CDH8: variants seen among roughly 807,000 people sequenced by gnomAD.
CDH8 encodes cadherin 8.
Under a neutral mutation model 68.1 loss-of-function variants are expected in CDH8, and 17 were observed. The ratio of observed to expected loss-of-function variants is 0.25; its 90% CI spans 0.17 to 0.37. The LOEUF (loss-of-function observed/expected upper bound fraction) is 0.37. Ranked by LOEUF, CDH8 falls within the 10% of genes least tolerant of loss-of-function variation. CDH8 has a pLI of 1.00. For missense variants in CDH8, 763 were observed against 999.3 expected (o/e 0.76, Z 3.19); for synonymous variants, 372 against 365.1 (o/e 1.02, Z -0.21).
At chr16:61,787,844 A>G (rs1406586054) in intron 8 of CDH8, among the ~76,000 whole-genome samples, 1 of 148,988 alleles carries the variant, frequency 6.7e-6, no homozygotes, top group African/African-American at 2.5e-5. Context: ...CGCAAGAACA[A>G]AAAACCAAAC....
At chr16:61,968,818 A>C (rs988059337) in intron 2 of CDH8, among the ~76,000 whole-genome samples, 7 of 152,236 alleles carry the variant, frequency 4.6e-5, no homozygotes, top group East Asian at 1.9e-4. Flanking sequence ...AGCATCAGCT[A>C]TCATTAGTTC....
chr16:61,863,478 G>A (rs770591669), intron 3 of CDH8, among the ~76,000 whole-genome samples: 4 of 152,100 alleles, frequency 2.6e-5, no homozygotes, highest in Non-Finnish European at 4.4e-5. Flanking sequence ...TGTTAGCGAG[G>A]CTATACTTTT....
intron 4 of CDH8, among the ~76,000 whole-genome samples, chr16:61,832,521 C>T (rs1287579775): frequency 6.6e-6 from 1 of 151,800 alleles, no homozygotes; most frequent in Non-Finnish European, 1.5e-5. Context: ...GGAAATACAA[C>T]TGATCAAGTG....
intron 4 of CDH8, among the ~76,000 whole-genome samples, chr16:61,829,298 T>TC (rs1229069637): frequency 1.3e-4 from 20 of 151,860 alleles, no homozygotes; most frequent in African/African-American, 4.3e-4. Context: ...GGTACTTCTA[T>TC]CGCTAGCATC....
At chr16:61,818,111 G>A (rs748330137) in intron 6 of CDH8, 50 of 170,360 alleles carry the variant, frequency 2.9e-4, no homozygotes, top group African/African-American at 1.1e-3. Context: ...GAGATAAGGC[G>A]ACATCGAACA....
At chr16:61,878,240 T>C (rs1346053277) in intron 3 of CDH8, among the ~76,000 whole-genome samples, 3 of 152,238 alleles carry the variant, frequency 2.0e-5, no homozygotes, top group East Asian at 1.9e-4. Context: ...AGAAGTACTT[T>C]GGATTTCTTT....
intron 2 of CDH8, among the ~76,000 whole-genome samples, chr16:62,018,420 T>A (rs1306635589): frequency 6.6e-6 from 1 of 152,170 alleles, no homozygotes; most frequent in Non-Finnish European, 1.5e-5. Context: ...TCTCAGCCGG[T>A]TCCTGGGGAG....
At chr16:62,013,340 G>A (rs980245578) in intron 2 of CDH8, among the ~76,000 whole-genome samples, 6 of 151,868 alleles carry the variant, frequency 4.0e-5, no homozygotes, top group African/African-American at 1.5e-4. Context: ...GCATTTGTGG[G>A]GGTGAAGGTA....
chr16:61,951,949 T>C (rs1964905425), intron 2 of CDH8, among the ~76,000 whole-genome samples: 1 of 152,182 alleles, frequency 6.6e-6, no homozygotes, highest in Admixed American at 6.5e-5. Context: ...AATTCATTCA[T>C]TGTATAAGCT....
chr16:61,901,411 A>C lies in CDH8; in HGVS notation c.315T>G (p.Ala105=), dbSNP rs761336806. 3 of 1,613,898 alleles carry C rather than the reference A, an allele frequency of 1.9e-6. No individual in the cohort carries two copies. In the Admixed American group the frequency reaches 5.0e-5, roughly 27 times the overall value. The change falls in exon 3 of 12, where the codon GCT becomes GCG. Residue 105 remains alanine (A), a synonymous_variant. Coordinates refer to ENST00000577390, the MANE Select transcript of CDH8 (RefSeq NM_001796.5). ...CATCATTTATTTGAAATATGGTCCC[A>C]GCTCCATCACCTGATAGGATATACT... ...KIKYILSGDG[A]GTIFQINDVT... is the part of the protein sequence containing the mutation.
chr16:61,889,052 C>A (rs1567515607), intron 3 of CDH8, among the ~76,000 whole-genome samples: 1 of 152,112 alleles, frequency 6.6e-6, no homozygotes, highest in Non-Finnish European at 1.5e-5. Flanking sequence ...AGCACAGACA[C>A]AAGGGATGAA....
intron 2 of CDH8, 113 bp downstream of exon 2, chr16:62,021,039 T>C: frequency 1.1e-6 from 1 of 915,390 alleles, no homozygotes; most frequent in Middle Eastern, 2.2e-4. Context: ...TCACTAAACA[T>C]CTGGCTTGAA....
intron 10 of CDH8, among the ~76,000 whole-genome samples, chr16:61,682,405 G>C (rs923133280): frequency 1.3e-5 from 2 of 151,952 alleles, no homozygotes; most frequent in Admixed American, 6.6e-5. Context: ...TAATTACTCT[G>C]CATTCTTACT....
rs78954741 is a variant in CDH8 at position 61,935,471 on chromosome 16, A to G, written c.253-33998T>C. ...ACAACTGTTTCTGGACTTTAATAATATAGTATTGAGAATGGAACTATACAT... is the reference window on the plus strand; with the variant it reads ...ACAACTGTTTCTGGACTTTAATAATGTAGTATTGAGAATGGAACTATACAT... On this transcript the variant is annotated intron_variant, in intron 2 of 11. Coordinates refer to ENST00000577390, the MANE Select transcript of CDH8 (RefSeq NM_001796.5). 0.022 allele frequency among the ~76,000 whole-genome samples: 3,329 copies of G among 152,274 alleles called. 245 individuals are homozygous for G. In the East Asian group the frequency reaches 0.23, roughly 10 times the overall value.
intron 7 of CDH8, among the ~76,000 whole-genome samples, chr16:61,815,080 T>G (rs1322345439): frequency 6.6e-6 from 1 of 152,190 alleles, no homozygotes; most frequent in Non-Finnish European, 1.5e-5. Flanking sequence ...CCATAGATGC[T>G]GAAGAACTAG....
At chr16:61,865,042 G>C (rs1244044806) in intron 3 of CDH8, among the ~76,000 whole-genome samples, 1 of 151,976 alleles carries the variant, frequency 6.6e-6, no homozygotes. Flanking sequence ...TTTTGCAAAG[G>C]CCTACTCGCT....
At chr16:61,909,366 G>C (rs1964121337) in intron 2 of CDH8, among the ~76,000 whole-genome samples, 2 of 152,162 alleles carry the variant, frequency 1.3e-5, no homozygotes, top group African/African-American at 4.8e-5. Flanking sequence ...TTCCACAAGT[G>C]CAAGCCCTCT....
rs200564468 is a variant in CDH8 at position 61,932,739 on chromosome 16, G to GA, written c.253-31267dup. 7.1e-3 allele frequency among the ~76,000 whole-genome samples: 1,086 copies of GA among 152,104 alleles called. 13 individuals carry two copies. Among genetic ancestry groups the GA allele is most frequent in the African/African-American group, 0.024 (994 of 41,494 alleles). On this transcript the variant is annotated intron_variant, in intron 2 of 11. Coordinates refer to ENST00000577390, the MANE Select transcript of CDH8 (RefSeq NM_001796.5). Reference sequence around the variant, plus strand: ...CTAGAACTTGATTTGAATTTCACAGGAAAAAACACAGTAACTTTAAAATAA... The same window carrying GA: ...CTAGAACTTGATTTGAATTTCACAGGAAAAAAACACAGTAACTTTAAAATAA...
In CDH8 at chr16:61,793,501, G is replaced by A. The variant is rs116265994; in HGVS notation, c.1278-4019C>T. 8.2e-3 allele frequency among the ~76,000 whole-genome samples: 1,253 copies of A among 152,034 alleles called. 27 individuals are homozygous for A. Among genetic ancestry groups the A allele is most frequent in the African/African-American group, 0.028 (1,169 of 41,482 alleles). On this transcript the variant is annotated intron_variant, in intron 7 of 11. Coordinates refer to ENST00000577390, the MANE Select transcript of CDH8 (RefSeq NM_001796.5). ...TCCCTCTTATAAGTGAGTATATGTG[G>A]TATTTGGATTTATGTTCCTGAATTA...
Sources: gnomAD v4.1 joint callset for allele counts (sites outside exome capture counted in the v4.1 genomes callset) on GRCh38, gnomAD v4.1.1 for gene constraint, MANE v1.5 for transcripts, NCBI Gene and HGNC (gene_info 2026-07-23, HGNC 2026-07-21) for gene names.